Variants in DPP10 observed in about 807,000 individuals in gnomAD.
DPP10 encodes the protein inactive dipeptidyl peptidase 10.
In DPP10, 33 loss-of-function variants were observed where a neutral mutation model predicts 120.9. The ratio of observed to expected loss-of-function variants is 0.27; its 90% CI spans 0.21 to 0.37. The LOEUF (loss-of-function observed/expected upper bound fraction) is 0.37, where lower values mean the gene tolerates loss of function less well. Ranked by LOEUF, DPP10 falls within the 10% of genes least tolerant of loss-of-function variation. The pLI is 1.00. For synonymous variants in DPP10, 337 were observed against 326.1 expected (o/e 1.03, Z -0.36); for missense variants, 816 against 942.8 (o/e 0.87, Z 1.76).
chr2:114,728,386 C>A (rs1676555946), intron 1 of DPP10, among the ~76,000 whole-genome samples: 1 of 152,148 alleles, frequency 6.6e-6, no homozygotes, highest in East Asian at 1.9e-4. Flanking sequence ...ATGCCCTTTT[C>A]TAGTTATGTG....
At chr2:114,739,224 G>A (rs184314242) in intron 1 of DPP10, among the ~76,000 whole-genome samples, 2 of 152,242 alleles carry the variant, frequency 1.3e-5, no homozygotes, top group African/African-American at 4.8e-5. Flanking sequence ...TTACGTGCAG[G>A]GGATTTTCTA....
intron 1 of DPP10, among the ~76,000 whole-genome samples, chr2:115,237,163 GCAT>G (rs2058047292): frequency 1.3e-5 from 2 of 151,676 alleles, no homozygotes; most frequent in Non-Finnish European, 2.9e-5. Context: ...AAAATTTTTG[GCAT>G]CATTTTTGCA....
chr2:115,284,194 C>A (rs1302831235), intron 1 of DPP10, among the ~76,000 whole-genome samples: 1 of 151,592 alleles, frequency 6.6e-6, no homozygotes, highest in Non-Finnish European at 1.5e-5. Context: ...CTGAAAAAAA[C>A]ACAGTGTAGT....
chr2:115,732,032 T>G (rs2092923466), intron 8 of DPP10, among the ~76,000 whole-genome samples: 1 of 151,768 alleles, frequency 6.6e-6, no homozygotes, highest in African/African-American at 2.4e-5. Flanking sequence ...ATGCACTCAC[T>G]GAAACACAAT....
At chr2:114,898,389 C>G (rs1160913956) in intron 1 of DPP10, among the ~76,000 whole-genome samples, 1 of 151,868 alleles carries the variant, frequency 6.6e-6, no homozygotes, top group East Asian at 1.9e-4. Flanking sequence ...AGGAGATATA[C>G]CTAATGCTAA....
intron 1 of DPP10, among the ~76,000 whole-genome samples, chr2:114,570,157 T>A (rs1344782000): frequency 6.6e-6 from 1 of 152,218 alleles, no homozygotes; most frequent in South Asian, 2.1e-4. Flanking sequence ...CCAGGTGCTA[T>A]ATATTGAAAA....
At chr2:114,772,122 AT>A (rs1368554079) in intron 1 of DPP10, among the ~76,000 whole-genome samples, 1 of 151,360 alleles carries the variant, frequency 6.6e-6, no homozygotes, top group Non-Finnish European at 1.5e-5. Flanking sequence ...AGAGTTCTAA[AT>A]CTTTATGTCC....
intron 5 of DPP10, among the ~76,000 whole-genome samples, chr2:115,618,730 G>C (rs553549708): frequency 2.6e-5 from 4 of 152,140 alleles, no homozygotes; most frequent in Admixed American, 6.6e-5. Flanking sequence ...CTAAGGAATA[G>C]CATTCACTTA....
chr2:115,273,427 C>T (rs539433189), intron 1 of DPP10, among the ~76,000 whole-genome samples: 4 of 152,150 alleles, frequency 2.6e-5, no homozygotes, highest in Non-Finnish European at 4.4e-5. Context: ...AACTCCGCCT[C>T]CCGGGTTCAC....
intron 1 of DPP10, among the ~76,000 whole-genome samples, chr2:115,260,908 G>C (rs185471205): frequency 1.3e-5 from 2 of 152,146 alleles, no homozygotes; most frequent in Admixed American, 1.3e-4. Flanking sequence ...GAGTTGGGGC[G>C]TGCTGTAGAA....
chr2:115,773,867 G>A (rs746831867), intron 13 of DPP10, among the ~76,000 whole-genome samples: 4 of 152,206 alleles, frequency 2.6e-5, no homozygotes, highest in African/African-American at 9.6e-5. Context: ...GCTCACTGCT[G>A]TGACAGTCTT....
At chr2:115,469,767 A>G (rs2074565325) in intron 3 of DPP10, among the ~76,000 whole-genome samples, 1 of 151,590 alleles carries the variant, frequency 6.6e-6, no homozygotes, top group South Asian at 2.1e-4. Context: ...GCGTGGTGGC[A>G]CTTTCCTGTA....
intron 3 of DPP10, among the ~76,000 whole-genome samples, chr2:115,489,624 T>G (rs2075991952): frequency 6.6e-6 from 1 of 151,938 alleles, no homozygotes; most frequent in Non-Finnish European, 1.5e-5. Flanking sequence ...TTTTTTTTTT[T>G]TTTAAATTAA....
chr2:114,566,388 T>G (rs988178721), intron 1 of DPP10, among the ~76,000 whole-genome samples: 10 of 152,344 alleles, frequency 6.6e-5, no homozygotes, highest in Non-Finnish European at 1.0e-4. Flanking sequence ...GAAATAATTT[T>G]ATATGTGCAA....
Position 115,679,251 on chromosome 2 carries a change from G to A in DPP10, c.442-10436G>A, listed in dbSNP as rs7573327. Among the ~76,000 whole-genome samples, 454 of 152,178 alleles carry A rather than the reference G, an allele frequency of 3.0e-3. 4 individuals carry two copies. Among genetic ancestry groups the A allele is most frequent in the African/African-American group, 0.011 (442 of 41,504 alleles). On this transcript the variant is annotated intron_variant, in intron 5 of 25. Coordinates refer to ENST00000410059, the MANE Select transcript of DPP10 (RefSeq NM_020868.6). Reference sequence around the variant, plus strand: ...TGGCTGTGTCCCCCACCCAAATCTTGTCTTGAATTGTAGTTCCCATAATCC... The same window carrying A: ...TGGCTGTGTCCCCCACCCAAATCTTATCTTGAATTGTAGTTCCCATAATCC...
intron 1 of DPP10, among the ~76,000 whole-genome samples, chr2:115,130,775 A>G (rs2050314323): frequency 6.6e-6 from 1 of 152,168 alleles, no homozygotes; most frequent in African/African-American, 2.4e-5. Context: ...CTGGGCTGGT[A>G]GAATTGAAAA....
chr2:114,689,900 T>C (rs1699624606), intron 1 of DPP10, among the ~76,000 whole-genome samples: 1 of 152,122 alleles, frequency 6.6e-6, no homozygotes, highest in Admixed American at 6.5e-5. Flanking sequence ...TGTCTGTTCA[T>C]GTCCTTTGCC....
At chr2:115,354,635 A>C (rs181203322) in intron 3 of DPP10, among the ~76,000 whole-genome samples, 343 of 150,572 alleles carry the variant, frequency 2.3e-3, no homozygotes, top group South Asian at 8.0e-3. Context: ...GGTTTGTTAC[A>C]TAGGTATACA....
intron 5 of DPP10, 21 bp from the exon 6 acceptor site, chr2:115,689,666 A>G: frequency 7.1e-7 from 1 of 1,413,188 alleles, no homozygotes; most frequent in Non-Finnish European, 9.7e-7. Context: ...ATGATCAATA[A>G]TGTTTCTTTT....
Sources: gnomAD v4.1 joint callset for allele counts (sites outside exome capture counted in the v4.1 genomes callset) on GRCh38, gnomAD v4.1.1 for gene constraint, MANE v1.5 for transcripts, NCBI Gene and HGNC (gene_info 2026-07-23, HGNC 2026-07-21) for gene names.